FAM193A: variants seen among roughly 807,000 people sequenced by gnomAD.
The protein encoded by FAM193A is family with sequence similarity 193 member A.
FAM193A carries 22 observed loss-of-function variants against 126.5 expected under a neutral mutation model. That is an observed-to-expected ratio of 0.17 (90% confidence interval 0.12 to 0.25). The LOEUF is 0.25. Among genes scored for constraint, FAM193A ranks in the 10% least tolerant of loss-of-function variants. FAM193A has a pLI of 1.00. For missense variants in FAM193A, 1,675 were observed against 1,672.8 expected (o/e 1.00, Z -0.02); for synonymous variants, 761 against 646.8 (o/e 1.18, Z -2.68).
At chr4:2,577,094 C>T (rs1051215412) in intron 1 of FAM193A, among the ~76,000 whole-genome samples, 1 of 152,162 alleles carries the variant, frequency 6.6e-6, no homozygotes, top group Admixed American at 6.6e-5. Context: ...AACACCTGAA[C>T]TTTTTTGAGA....
intron 1 of FAM193A, among the ~76,000 whole-genome samples, chr4:2,577,570 C>T (rs1739681970): frequency 6.6e-6 from 1 of 151,904 alleles, no homozygotes; most frequent in African/African-American, 2.4e-5. Flanking sequence ...AGGCGCCCGC[C>T]ACCACACCCG....
chr4:2,605,473 T>G (rs946120647), intron 2 of FAM193A, among the ~76,000 whole-genome samples: 1 of 152,236 alleles, frequency 6.6e-6, no homozygotes, highest in Admixed American at 6.5e-5. Context: ...TTCTCTATTT[T>G]CATTGCTAGA....
At chr4:2,564,330 G>T (rs1178007735) in intron 1 of FAM193A, among the ~76,000 whole-genome samples, 1 of 151,932 alleles carries the variant, frequency 6.6e-6, no homozygotes, top group Non-Finnish European at 1.5e-5. Flanking sequence ...TAATTCTCCT[G>T]CCTTGGCCTC....
Position 2,629,226 on chromosome 4 carries a change from A to C in FAM193A, c.804-1709A>C, listed in dbSNP as rs540537261. On this transcript the variant is annotated intron_variant, in intron 4 of 20. Transcript: ENST00000637812. ...ATAAAATACAGAAATAGACAAAAAAAAAAAAGAGATCTAAGTCCGACATGC... is the reference window on the plus strand; with the variant it reads ...ATAAAATACAGAAATAGACAAAAAACAAAAAGAGATCTAAGTCCGACATGC... 7.9e-5 allele frequency among the ~76,000 whole-genome samples: 12 copies of C among 152,192 alleles called. No individual in the cohort carries two copies. The South Asian group carries it at 1.2e-3, about 16-fold the overall frequency.
rs1005443595 is a variant in FAM193A, at chr4:2,732,400, C to A, written c.*532C>A. 6.0e-6 allele frequency: 1 copy of A among 165,340 alleles called. No individual in the cohort carries two copies. The highest frequency in any genetic ancestry group is 2.4e-5 in the African/African-American group (1 of 41,764). 10.2% of individuals were successfully genotyped at this position (165,340 alleles called of 1,614,324 possible). A position where few individuals can be genotyped will look rare whatever the true frequency, so the allele number is the denominator to read the frequency against. Reference sequence around the variant, plus strand: ...TAGCCAGCTTGTGTAAGATCCCTTGCAGAACGAGAAAGTTAAAAACAAGCC... The same window carrying A: ...TAGCCAGCTTGTGTAAGATCCCTTGAAGAACGAGAAAGTTAAAAACAAGCC... On this transcript the variant is annotated 3_prime_UTR_variant, in exon 21 of 21. Coordinates refer to ENST00000637812, the MANE Select transcript of FAM193A (RefSeq NM_001366318.2).
At position 2,657,787 on chromosome 4, in the gene FAM193A, T is replaced by A. The variant is rs200221925; in HGVS notation, c.1312-16T>A. ...AAGTTTTTCTTTTTTTTCTGTTTTT[T>A]ACATCCCCTTACTAGATGACAATGA... is the stretch of plus-strand genomic sequence containing the variant. On this transcript the variant is annotated splice_polypyrimidine_tract_variant and intron_variant, in intron 7 of 20. Coordinates refer to ENST00000637812, the MANE Select transcript of FAM193A (RefSeq NM_001366318.2). The A allele has an allele frequency of 6.4e-7, 1 of 1,572,790 alleles. No homozygotes were observed. Among genetic ancestry groups the A allele is most frequent in the African/African-American group, 1.4e-5 (1 of 72,712 alleles).
At chr4:2,694,717 G>A (rs549062463) in intron 16 of FAM193A, among the ~76,000 whole-genome samples, 97 of 152,262 alleles carry the variant, frequency 6.4e-4, no homozygotes, top group Non-Finnish European at 1.1e-3. Context: ...GTTCAGTGGC[G>A]CTCTGTGAGC....
intron 16 of FAM193A, among the ~76,000 whole-genome samples, chr4:2,694,720 C>T (rs906709511): frequency 6.6e-6 from 1 of 152,182 alleles, no homozygotes; most frequent in African/African-American, 2.4e-5. Context: ...CAGTGGCGCT[C>T]TGTGAGCACT....
chr4:2,623,506 A>G (rs1742681051), intron 2 of FAM193A, among the ~76,000 whole-genome samples: 2 of 152,174 alleles, frequency 1.3e-5, no homozygotes, highest in African/African-American at 2.4e-5. Context: ...CCACTTAGCA[A>G]CGCTCAGGCT....
At chr4:2,623,323 C>G (rs540271574) in intron 2 of FAM193A, among the ~76,000 whole-genome samples, 1 of 152,316 alleles carries the variant, frequency 6.6e-6, no homozygotes, top group African/African-American at 2.4e-5. Context: ...GCGAGCGCCA[C>G]CACACCCAGC....
Position 2,700,305 on chromosome 4 carries a change from T to A in FAM193A, c.4133T>A (p.Val1378Asp). 3.1e-6 allele frequency: 5 copies of A among 1,613,916 alleles called. No individual in the cohort carries two copies. Among genetic ancestry groups the A allele is most frequent in the Non-Finnish European group, 4.2e-6 (5 of 1,180,004 alleles). ...CAGACTGAGTCAAAGGCTAAGGTGGTCGACCTCATGTCCATCACAGAGCAG... is the reference window on the plus strand; with the variant it reads ...CAGACTGAGTCAAAGGCTAAGGTGGACGACCTCATGTCCATCACAGAGCAG... ...RAQTESKAKV[V>D]DLMSITEQKR... The change falls in exon 19 of 21, where the codon GTC (valine) becomes GAC (aspartate). Residue 1378 changes from valine to aspartate, a missense_variant. Transcript: ENST00000637812.
chr4:2,729,260 C>T (rs925836594), intron 20 of FAM193A, among the ~76,000 whole-genome samples: 2 of 152,014 alleles, frequency 1.3e-5, no homozygotes, highest in Admixed American at 1.3e-4. Context: ...TACTTTACAC[C>T]GGGAAGGGAA....
chr4:2,731,646 A>G, intron 20 of FAM193A, 129 bp from the exon 21 acceptor site: 2 of 693,092 alleles, frequency 2.9e-6, no homozygotes, highest in Non-Finnish European at 5.1e-6. Flanking sequence ...TGTGCCCCTC[A>G]CCGAGAATCT....
intron 1 of FAM193A, among the ~76,000 whole-genome samples, chr4:2,560,249 G>A (rs1193157507): frequency 6.6e-6 from 1 of 152,092 alleles, no homozygotes; most frequent in African/African-American, 2.4e-5. Context: ...GGCCTGTGCA[G>A]GCTTTTCTTT....
At chr4:2,579,495 G>A (rs1389569041) in intron 1 of FAM193A, among the ~76,000 whole-genome samples, 3 of 151,980 alleles carry the variant, frequency 2.0e-5, no homozygotes, top group East Asian at 3.9e-4. Flanking sequence ...CCCAGGCGTT[G>A]GAGACCAACC....
chr4:2,726,550 T>A (rs2109424860), intron 20 of FAM193A, among the ~76,000 whole-genome samples: 1 of 152,220 alleles, frequency 6.6e-6, no homozygotes. Context: ...CTCCTGTGGC[T>A]TCTTTTTTTT....
chr4:2,661,933 C>G lies in FAM193A; in HGVS notation c.1746-905C>G, dbSNP rs1451650126. The stretch of plus-strand genomic sequence containing the variant: ...GTGCAGTGGCTGATGCCTGTAATCC[C>G]AGCACTTTGGGAGGCCGAGGCGGGC... On this transcript the variant is annotated intron_variant, in intron 10 of 20. Transcript: ENST00000637812. 3.3e-5 allele frequency among the ~76,000 whole-genome samples: 5 copies of G among 152,286 alleles called. No homozygotes were observed. In the East Asian group the frequency reaches 9.7e-4, roughly 29 times the overall value.
At position 2,693,504 on chromosome 4, in the gene FAM193A, T is replaced by C. The variant is rs900514737; in HGVS notation, c.2804-82T>C. ...CAAGGTGAAGGATGAATGGGTACTC[T>C]TTGTGTGTTCTTTCAGATTTTCTAC... On this transcript the variant is annotated intron_variant, in intron 15 of 20. Coordinates refer to ENST00000637812, the MANE Select transcript of FAM193A (RefSeq NM_001366318.2). 12 of 1,352,726 alleles carry C rather than the reference T, an allele frequency of 8.9e-6. No individual in the cohort carries two copies. The African/African-American group carries it at 1.6e-4, about 18-fold the overall frequency. 83.8% of individuals were successfully genotyped at this position (1,352,726 alleles called of 1,614,324 possible). A position where few individuals can be genotyped will look rare whatever the true frequency, so the allele number is the denominator to read the frequency against.
chr4:2,731,944 C>T lies in FAM193A; in HGVS notation c.*76C>T, dbSNP rs976770428. ...CCCCAAGAGCCACGCCCCTCGCTGGCGCCCCAGAGCCGTGGTGCTTGCCAA... is the reference window on the plus strand; with the variant it reads ...CCCCAAGAGCCACGCCCCTCGCTGGTGCCCCAGAGCCGTGGTGCTTGCCAA... On this transcript the variant is annotated 3_prime_UTR_variant, in exon 21 of 21. Coordinates refer to ENST00000637812, the MANE Select transcript of FAM193A (RefSeq NM_001366318.2). 2.7e-5 allele frequency: 31 copies of T among 1,130,722 alleles called. No individual in the cohort carries two copies. The highest frequency in any genetic ancestry group is 1.4e-4 in the Admixed American group (8 of 59,062). 70.0% of individuals were successfully genotyped at this position (1,130,722 alleles called of 1,614,324 possible). A position where few individuals can be genotyped will look rare whatever the true frequency, so the allele number is the denominator to read the frequency against.
Sources: gnomAD v4.1 joint callset for allele counts (sites outside exome capture counted in the v4.1 genomes callset) on GRCh38, gnomAD v4.1.1 for gene constraint, MANE v1.5 for transcripts, NCBI Gene and HGNC (gene_info 2026-07-23, HGNC 2026-07-21) for gene names.